Variants in MGAT4C observed in about 807,000 individuals in gnomAD.
The protein encoded by MGAT4C is MGAT4 family member C, also known as alpha-1,3-mannosyl-glycoprotein 4-beta-N-acetylglucosaminyltransferase C.
MGAT4C carries 19 observed loss-of-function variants against 40.1 expected under a neutral mutation model. The observed-to-expected ratio is 0.47, with a 90% confidence interval of 0.33 to 0.70. The LOEUF is 0.70. Ranked by LOEUF, MGAT4C falls within the 30% of genes least tolerant of loss-of-function variation. The pLI is 0.02. For missense variants in MGAT4C, 491 were observed against 563.2 expected (o/e 0.87, Z 1.30); for synonymous variants, 181 against 187.1 (o/e 0.97, Z 0.27).
At chr12:86,106,709 G>A (rs146534356) in intron 1 of MGAT4C, among the ~76,000 whole-genome samples, 28 of 151,572 alleles carry the variant, frequency 1.8e-4, no homozygotes, top group African/African-American at 6.8e-4. Context: ...TTAGTTATGT[G>A]TTTGTTTCTT....
At chr12:86,603,642 G>GTA (rs1961911384) in intron 2 of MGAT4C, among the ~76,000 whole-genome samples, 1 of 122,482 alleles carries the variant, frequency 8.2e-6, no homozygotes, top group Non-Finnish European at 1.6e-5. Flanking sequence ...ACTATATATA[G>GTA]TATATATTAT....
chr12:86,446,338 C>A (rs1211459338), intron 2 of MGAT4C, among the ~76,000 whole-genome samples: 1 of 151,734 alleles, frequency 6.6e-6, no homozygotes, highest in Non-Finnish European at 1.5e-5. Context: ...CTCCAATTGG[C>A]ATTGGTAAAG....
At chr12:86,543,975 G>T (rs768353299) in intron 2 of MGAT4C, among the ~76,000 whole-genome samples, 1 of 152,060 alleles carries the variant, frequency 6.6e-6, no homozygotes, top group Admixed American at 6.6e-5. Context: ...CATCAGGGGG[G>T]CTCAGGCTAT....
intron 3 of MGAT4C, among the ~76,000 whole-genome samples, chr12:86,365,409 A>C (rs1046049776): frequency 3.3e-5 from 5 of 152,156 alleles, no homozygotes; most frequent in African/African-American, 9.7e-5. Context: ...GGCAACATAC[A>C]TCCTCCCCAG....
chr12:85,962,964 C>T lies in MGAT4C; in HGVS notation c.*16325G>A, dbSNP rs1042755720. On this transcript the variant is annotated 3_prime_UTR_variant, in exon 5 of 5. Coordinates refer to ENST00000611864, the MANE Select transcript of MGAT4C (RefSeq NM_001351288.2). ...CTACTTGCAAAAAAAATTACATAAACAAGTATTTCCTAGAGTTCAAACACT... is the reference window on the plus strand; with the variant it reads ...CTACTTGCAAAAAAAATTACATAAATAAGTATTTCCTAGAGTTCAAACACT... 9 of 151,184 alleles carry T rather than the reference C, an allele frequency of 6.0e-5. No homozygotes were observed. Among genetic ancestry groups the T allele is most frequent in the African/African-American group, 2.2e-4 (9 of 41,032 alleles). The allele number at this position is 151,184 out of a possible 1,614,324, so 9.4% of individuals were successfully genotyped here.
intron 4 of MGAT4C, among the ~76,000 whole-genome samples, chr12:86,329,494 C>G (rs1464436382): frequency 6.6e-6 from 1 of 152,154 alleles, no homozygotes; most frequent in Non-Finnish European, 1.5e-5. Flanking sequence ...GCTGACATGC[C>G]TGCCAAAATA....
At chr12:86,532,101 G>A (rs1958996095) in intron 2 of MGAT4C, among the ~76,000 whole-genome samples, 1 of 151,674 alleles carries the variant, frequency 6.6e-6, no homozygotes, top group Non-Finnish European at 1.5e-5. Context: ...ATAATTTTGG[G>A]GGCATTAAAT....
At chr12:86,393,892 A>G (rs1014019036) in intron 3 of MGAT4C, among the ~76,000 whole-genome samples, 2 of 152,216 alleles carry the variant, frequency 1.3e-5, no homozygotes, top group African/African-American at 4.8e-5. Flanking sequence ...CATCATGCCA[A>G]TCGTGTCCCT....
chr12:86,579,282 A>C (rs1327818419), intron 2 of MGAT4C, among the ~76,000 whole-genome samples: 1 of 151,400 alleles, frequency 6.6e-6, no homozygotes, highest in Non-Finnish European at 1.5e-5. Flanking sequence ...CTGGTGATAT[A>C]ATTCAGGTTT....
At chr12:86,126,068 C>A (rs1337591730) in intron 1 of MGAT4C, among the ~76,000 whole-genome samples, 1 of 151,812 alleles carries the variant, frequency 6.6e-6, no homozygotes, top group African/African-American at 2.4e-5. Context: ...TATGAAAAGA[C>A]AAGGATTTCC....
chr12:86,301,157 G>A (rs1335328859), intron 4 of MGAT4C, among the ~76,000 whole-genome samples: 1 of 152,192 alleles, frequency 6.6e-6, no homozygotes, highest in Admixed American at 6.5e-5. Flanking sequence ...CTAACAGTGA[G>A]AGGTGTGACA....
chr12:86,521,926 A>G lies in MGAT4C; in HGVS notation c.-228-86661T>C, dbSNP rs139814086. Among the ~76,000 whole-genome samples the G allele has an allele frequency of 9.2e-5, 14 of 152,176 alleles. No homozygotes were observed. The East Asian group carries it at 2.1e-3, about 23-fold the overall frequency. On this transcript the variant is annotated intron_variant, in intron 2 of 7. Transcript: ENST00000548651. ...GCTAGATTGTTGTTGTAGTGTAGGA[A>G]TGCTAGTGATTTTGTACATTGATTT... is the stretch of plus-strand genomic sequence containing the variant.
intron 1 of MGAT4C, among the ~76,000 whole-genome samples, chr12:86,783,197 T>C (rs1951872914): frequency 6.6e-6 from 1 of 152,192 alleles, no homozygotes; most frequent in Non-Finnish European, 1.5e-5. Context: ...GATGTCATAG[T>C]CATAATACAT....
At chr12:86,823,301 C>T (rs935453188) in intron 1 of MGAT4C, among the ~76,000 whole-genome samples, 12 of 150,646 alleles carry the variant, frequency 8.0e-5, no homozygotes, top group South Asian at 2.1e-4. Context: ...AAAATAGAAA[C>T]GCAAAAGGTA....
At position 86,246,180 on chromosome 12, in the gene MGAT4C, T is replaced by A. The variant is rs1169492025; in HGVS notation, c.-57+10059A>T. On this transcript the variant is annotated intron_variant, in intron 1 of 4. Coordinates refer to ENST00000611864, the MANE Select transcript of MGAT4C (RefSeq NM_001351288.2). The stretch of plus-strand genomic sequence containing the variant: ...TGAATATCTCCTAGTGTACCATTGC[T>A]TTTTTTTTTTTTTTTTTTTTTTTGA... Among the ~76,000 whole-genome samples the A allele has an allele frequency of 7.1e-4, 6 of 8,444 alleles. No homozygotes were observed. In the Admixed American group the frequency reaches 0.011, roughly 16 times the overall value. 5.5% of individuals were successfully genotyped at this position (8,444 alleles called of 152,430 possible).
At chr12:86,101,874 A>G (rs920843026) in intron 1 of MGAT4C, among the ~76,000 whole-genome samples, 10 of 151,962 alleles carry the variant, frequency 6.6e-5, no homozygotes, top group African/African-American at 2.4e-4. Flanking sequence ...ACTAAAATTA[A>G]CAGGATCAAA....
chr12:86,538,109 T>C (rs1021625620), intron 2 of MGAT4C, among the ~76,000 whole-genome samples: 1 of 151,942 alleles, frequency 6.6e-6, no homozygotes, highest in Non-Finnish European at 1.5e-5. Context: ...AACAAATAAA[T>C]AAATAATAAA....
chr12:86,447,925 T>C (rs896758079), intron 2 of MGAT4C, among the ~76,000 whole-genome samples: 1 of 152,178 alleles, frequency 6.6e-6, no homozygotes, highest in Admixed American at 6.5e-5. Context: ...GAGCTTCCCA[T>C]GCCCTGCCCA....
intron 2 of MGAT4C, among the ~76,000 whole-genome samples, chr12:86,675,688 T>G (rs76232855): frequency 0.034 from 5,247 of 152,300 alleles, 143 homozygotes; most frequent in Non-Finnish European, 0.048. Context: ...GTTTTGCTTT[T>G]TATTTCCATT....
Sources: gnomAD v4.1 joint callset for allele counts (sites outside exome capture counted in the v4.1 genomes callset) on GRCh38, gnomAD v4.1.1 for gene constraint, MANE v1.5 for transcripts, NCBI Gene and HGNC (gene_info 2026-07-23, HGNC 2026-07-21) for gene names.